UHRF2: variants seen among roughly 807,000 people sequenced by gnomAD.
UHRF2 encodes E3 ubiquitin-protein ligase UHRF2.
In UHRF2, 23 loss-of-function variants were observed where a neutral mutation model predicts 96.8. That is an observed-to-expected ratio of 0.24 (90% CI 0.17 to 0.34). UHRF2 has a LOEUF of 0.34. Ranked by LOEUF, UHRF2 falls within the 10% of genes least tolerant of loss-of-function variation. The pLI is 1.00. For synonymous variants in UHRF2, 385 were observed against 332.6 expected, an observed-to-expected ratio of 1.16 and a Z score of -1.72; for missense variants, 685 against 981.5, an observed-to-expected ratio of 0.70 and a Z score of 4.04.
At chr9:6,472,408 A>G (rs1823298612) in intron 4 of UHRF2, among the ~76,000 whole-genome samples, 1 of 152,250 alleles carries the variant, frequency 6.6e-6, no homozygotes, top group Admixed American at 6.5e-5. Context: ...GAAAAGCATT[A>G]GTCAAGTAAA....
Position 6,413,528 on chromosome 9 carries a change from C to T in UHRF2, c.38C>T (p.Thr13Met), listed in dbSNP as rs1441090094. ...GTTCGCACCATTGATGGCTCCAAGA[C>T]GTGCACCATTGAGGACGTGTCTCGC... The part of the protein sequence containing the change: ...IQVRTIDGSK[T>M]CTIEDVSRKA... Residue 13 changes from threonine (T) to methionine (M), a missense_variant, in exon 1 of 16, where the codon ACG becomes ATG. This residue lies in a region of UHRF2 where 38 missense variants were observed against 35.9 expected (regional missense o/e 1.06). Coordinates refer to ENST00000276893, the MANE Select transcript of UHRF2 (RefSeq NM_152896.3). 2 of 1,592,462 alleles carry T rather than the reference C, an allele frequency of 1.3e-6. No homozygotes were observed. The highest frequency in any genetic ancestry group is 1.7e-6 in the Non-Finnish European group (2 of 1,170,620).
At position 6,497,378 on chromosome 9, in the gene UHRF2, A is replaced by G. The variant is rs200680941; in HGVS notation, c.1767+18A>G. The G allele has an allele frequency of 5.4e-4, 867 of 1,609,404 alleles. 5 individuals are homozygous for G. Among genetic ancestry groups the G allele is most frequent in the South Asian group, 4.4e-3 (400 of 90,684 alleles). On this transcript the variant is annotated intron_variant, in intron 11 of 15. Coordinates refer to ENST00000276893, the MANE Select transcript of UHRF2 (RefSeq NM_152896.3). ...TTTATAAGGTGCTCTATCTGGCATGACATCTTGTTTGTCATTCTTCCTGGG... is the reference window on the plus strand; with the variant it reads ...TTTATAAGGTGCTCTATCTGGCATGGCATCTTGTTTGTCATTCTTCCTGGG...
intron 8 of UHRF2, among the ~76,000 whole-genome samples, chr9:6,485,813 A>AC (rs1191032146): frequency 7.8e-6 from 1 of 128,226 alleles, no homozygotes; most frequent in Non-Finnish European, 1.6e-5. Context: ...CAAAAAAAAA[A>AC]AAAAAAAAAA....
intron 4 of UHRF2, among the ~76,000 whole-genome samples, chr9:6,468,988 A>T (rs892897991): frequency 6.6e-6 from 1 of 152,196 alleles, no homozygotes; most frequent in African/African-American, 2.4e-5. Context: ...GGAGGCAAAA[A>T]TGCCATTCTG....
Position 6,470,358 on chromosome 9 carries a change from C to CA in UHRF2, c.864-5016dup, listed in dbSNP as rs35859975. Among the ~76,000 whole-genome samples the CA allele has an allele frequency of 6.3e-3, 594 of 94,506 alleles. 3 individuals are homozygous for CA. Among genetic ancestry groups the CA allele is most frequent in the South Asian group, 8.9e-3 (26 of 2,916 alleles). The allele number at this position is 94,506 out of a possible 152,430, so 62.0% of individuals were successfully genotyped here. A position where few individuals can be genotyped will look rare whatever the true frequency, so the allele number is the denominator to read the frequency against. On this transcript the variant is annotated intron_variant, in intron 4 of 15. Transcript: ENST00000276893. ...TAGGTGACAGAGCAAGACTCCATCT[C>CA]AAAAAAAAAAAAAAAAATTTCCCAA...
rs1474534627 is a variant in UHRF2 at position 6,434,102 on chromosome 9, T to C, written c.573T>C (p.Ser191=). ...KSKENTNKLD[S]VPSTSNSDCV... ...AAGAGAACACAAATAAATTGGACAGTGTACCCTCTACGTCTAATTCAGACT... is the reference window on the plus strand; with the variant it reads ...AAGAGAACACAAATAAATTGGACAGCGTACCCTCTACGTCTAATTCAGACT... The change falls in exon 3 of 16, where the codon AGT becomes AGC. Residue 191 remains serine (S), a synonymous_variant. Coordinates refer to ENST00000276893, the MANE Select transcript of UHRF2 (RefSeq NM_152896.3). 2 of 1,614,120 alleles carry C rather than the reference T, an allele frequency of 1.2e-6. No individual in the cohort carries two copies. The highest frequency in any genetic ancestry group is 2.2e-5 in the South Asian group (2 of 91,078).
Position 6,506,963 on chromosome 9 carries a change from G to T in UHRF2, c.*784G>T, listed in dbSNP as rs890770597. Reference sequence around the variant, plus strand: ...TTGAGGGCTGTGCTGACCTTTGAGAGGATTTGAAATTGCTTCATATTGTGA... The same window carrying T: ...TTGAGGGCTGTGCTGACCTTTGAGATGATTTGAAATTGCTTCATATTGTGA... On this transcript the variant is annotated 3_prime_UTR_variant, in exon 16 of 16. Coordinates refer to ENST00000276893, the MANE Select transcript of UHRF2 (RefSeq NM_152896.3). The T allele has an allele frequency of 5.2e-5, 8 of 152,420 alleles. No individual in the cohort carries two copies. The highest frequency in any genetic ancestry group is 1.9e-4 in the African/African-American group (8 of 41,366). 9.4% of individuals were successfully genotyped at this position (152,420 alleles called of 1,614,324 possible).
chr9:6,413,959 G>A, intron 1 of UHRF2: 1 of 214,784 alleles, frequency 4.7e-6, no homozygotes, highest in East Asian at 9.6e-5. Context: ...CTCGCTTCCC[G>A]CGCTCGGCGG....
intron 6 of UHRF2, among the ~76,000 whole-genome samples, chr9:6,478,065 A>T (rs13291472): frequency 6.6e-6 from 1 of 152,072 alleles, no homozygotes; most frequent in Non-Finnish European, 1.5e-5. Context: ...AAATCTGATC[A>T]TGTTGCTTTG....
intron 2 of UHRF2, chr9:6,422,684 G>A (rs749620191): frequency 2.1e-5 from 13 of 615,572 alleles, no homozygotes; most frequent in Middle Eastern, 4.1e-4. Flanking sequence ...AACACGGCTC[G>A]CTGTAGCCTT....
At chr9:6,468,587 T>TG (rs1359411959) in intron 4 of UHRF2, 1 of 456,000 alleles carries the variant, frequency 2.2e-6, no homozygotes, top group Non-Finnish European at 4.4e-6. Flanking sequence ...AGGAGTAGGA[T>TG]GGAAAAAGTC....
At chr9:6,469,657 GGT>G (rs34918540) in intron 4 of UHRF2, among the ~76,000 whole-genome samples, 174 of 147,982 alleles carry the variant, frequency 1.2e-3, no homozygotes, top group South Asian at 3.2e-3. Flanking sequence ...CTTGATGAAA[GGT>G]GTGTGTGTGT....
intron 3 of UHRF2, among the ~76,000 whole-genome samples, chr9:6,454,510 T>A (rs922306167): frequency 6.6e-6 from 1 of 152,194 alleles, no homozygotes; most frequent in Non-Finnish European, 1.5e-5. Context: ...CTTTCCTATG[T>A]CAGAACTACG....
chr9:6,450,815 CAG>C (rs1254869819), intron 3 of UHRF2, among the ~76,000 whole-genome samples: 1 of 152,138 alleles, frequency 6.6e-6, no homozygotes. Flanking sequence ...TCAGGTATAA[CAG>C]AATGTTCCAG....
intron 2 of UHRF2, among the ~76,000 whole-genome samples, chr9:6,421,541 T>C (rs1371983584): frequency 6.6e-6 from 1 of 152,140 alleles, no homozygotes; most frequent in East Asian, 1.9e-4. Context: ...CTTAGTCTCC[T>C]GATTAGCTGG....
intron 4 of UHRF2, chr9:6,468,431 A>G (rs1222522762): frequency 2.2e-6 from 1 of 455,960 alleles, no homozygotes; most frequent in South Asian, 1.5e-5. Context: ...ATCTCTTTGA[A>G]TGCACCAGAG....
intron 1 of UHRF2, among the ~76,000 whole-genome samples, chr9:6,418,599 TGTTAGA>T (rs1287175141): frequency 2.6e-5 from 4 of 152,142 alleles, no homozygotes; most frequent in Non-Finnish European, 5.9e-5. Context: ...GATGTTACTG[TGTTAGA>T]GTTGTGAATG....
intron 7 of UHRF2, 91 bp downstream of exon 7, chr9:6,481,857 C>A: frequency 6.5e-7 from 1 of 1,539,734 alleles, no homozygotes; most frequent in Admixed American, 2.0e-5. Flanking sequence ...AAAGATTAAA[C>A]AGTATCATTA....
At chr9:6,452,538 A>G (rs1229523904) in intron 3 of UHRF2, among the ~76,000 whole-genome samples, 1 of 152,190 alleles carries the variant, frequency 6.6e-6, no homozygotes, top group Non-Finnish European at 1.5e-5. Flanking sequence ...GAAAGGTGTG[A>G]TCCTAAAGAT....
Sources: gnomAD v4.1 joint callset for allele counts (sites outside exome capture counted in the v4.1 genomes callset) on GRCh38, gnomAD v4.1.1 for gene constraint, gnomAD v4.1.1 regional missense constraint, MANE v1.5 for transcripts, NCBI Gene and HGNC (gene_info 2026-07-23, HGNC 2026-07-21) for gene names.